Variants in ADAMTS17 observed in about 807,000 individuals in gnomAD.
ADAMTS17 encodes the protein ADAM metallopeptidase with thrombospondin type 1 motif 17.
A neutral mutation model predicts 141.5 loss-of-function variants in ADAMTS17; 113 were observed. That is an observed-to-expected ratio of 0.80 (90% confidence interval 0.69 to 0.93). ADAMTS17 has a LOEUF of 0.93. ADAMTS17 is among the 40% of genes least tolerant of loss of function. The probability of loss-of-function intolerance (pLI) is 0.00; values close to 1 mark genes in which losing one functional copy is unlikely to be tolerated. For missense variants in ADAMTS17, 1,659 were observed against 1,517.9 expected, an observed-to-expected ratio of 1.09 and a Z score of -1.54; for synonymous variants, 768 against 630.6, an observed-to-expected ratio of 1.22 and a Z score of -3.27.
At chr15:100,011,287 A>AAAG (rs2061164443) in intron 18 of ADAMTS17, among the ~76,000 whole-genome samples, 1 of 113,108 alleles carries the variant, frequency 8.8e-6, no homozygotes, top group African/African-American at 3.4e-5. Flanking sequence ...GGAGGGAAGT[A>AAAG]AAGGAGGAGG....
chr15:100,219,305 A>G lies in ADAMTS17; in HGVS notation c.1076-19882T>C, dbSNP rs536746713. On this transcript the variant is annotated intron_variant, in intron 7 of 21. Coordinates refer to ENST00000268070, the MANE Select transcript of ADAMTS17 (RefSeq NM_139057.4). ...GCTGTGTAATTCTATAAATATACTAAAAACCACTTTAGTACATAGCTTAGG... is the reference window on the plus strand; with the variant it reads ...GCTGTGTAATTCTATAAATATACTAGAAACCACTTTAGTACATAGCTTAGG... Among the ~76,000 whole-genome samples the G allele has an allele frequency of 3.9e-5, 6 of 152,294 alleles. No individual in the cohort carries two copies. The East Asian group carries it at 1.2e-3, about 29-fold the overall frequency.
At chr15:100,114,926 T>A (rs2037019253) in intron 13 of ADAMTS17, among the ~76,000 whole-genome samples, 1 of 152,188 alleles carries the variant, frequency 6.6e-6, no homozygotes, top group Admixed American at 6.5e-5. Flanking sequence ...GACATTTCAG[T>A]GGGATTTCTG....
intron 15 of ADAMTS17, among the ~76,000 whole-genome samples, chr15:100,089,636 G>T (rs1230935350): frequency 6.6e-6 from 1 of 151,860 alleles, no homozygotes; most frequent in Admixed American, 6.6e-5. Context: ...TATACACCAT[G>T]GAATACTATG....
At chr15:100,060,217 C>A (rs916928608) in intron 15 of ADAMTS17, among the ~76,000 whole-genome samples, 2 of 152,220 alleles carry the variant, frequency 1.3e-5, no homozygotes, top group African/African-American at 4.8e-5. Flanking sequence ...TAAATCACTA[C>A]CCAAAACATA....
chr15:100,000,476 T>C (rs2060897376), intron 18 of ADAMTS17, among the ~76,000 whole-genome samples: 1 of 152,176 alleles, frequency 6.6e-6, no homozygotes, highest in Non-Finnish European at 1.5e-5. Context: ...ATGTGATGGA[T>C]AGGGACAATA....
At chr15:100,140,022 G>T (rs1265415075) in intron 10 of ADAMTS17, among the ~76,000 whole-genome samples, 1 of 152,106 alleles carries the variant, frequency 6.6e-6, no homozygotes, top group African/African-American at 2.4e-5. Flanking sequence ...TTGAGATCGA[G>T]CCTCACTCTG....
At chr15:99,975,874 A>G (rs550849960) in intron 21 of ADAMTS17, among the ~76,000 whole-genome samples, 171 bp downstream of exon 21, 18 of 83,046 alleles carry the variant, frequency 2.2e-4, no homozygotes, top group Admixed American at 4.2e-4. Context: ...ATAACAAGGA[A>G]TGGAATCCAT....
intron 8 of ADAMTS17, among the ~76,000 whole-genome samples, chr15:100,181,014 G>A (rs1287758719): frequency 3.3e-5 from 5 of 152,334 alleles, no homozygotes; most frequent in Admixed American, 6.5e-5. Context: ...CAGCTAAGCT[G>A]ACACTCAAAC....
rs575353972 is a variant in ADAMTS17 at position 100,195,262 on chromosome 15, C to T, written c.1181+4056G>A. Among the ~76,000 whole-genome samples, 6 of 152,308 alleles carry T rather than the reference C, an allele frequency of 3.9e-5. No homozygotes were observed. In the South Asian group the frequency reaches 1.0e-3, roughly 26 times the overall value. On this transcript the variant is annotated intron_variant, in intron 8 of 21. Coordinates refer to ENST00000268070, the MANE Select transcript of ADAMTS17 (RefSeq NM_139057.4). The stretch of plus-strand genomic sequence containing the variant: ...CAGCACCTGCACCAGGACTTGCCAT[C>T]CCCCAGCTCGTGTCCGCAGCAGGGC...
chr15:100,089,088 C>T (rs1488115025), intron 15 of ADAMTS17, among the ~76,000 whole-genome samples: 2 of 152,038 alleles, frequency 1.3e-5, no homozygotes, highest in East Asian at 1.9e-4. Flanking sequence ...GCAATCTACT[C>T]ATCTGACAAA....
chr15:100,160,055 G>C (rs367568094), intron 8 of ADAMTS17, among the ~76,000 whole-genome samples: 2 of 88,920 alleles, frequency 2.2e-5, no homozygotes, highest in African/African-American at 6.4e-5. Context: ...TCCTGGAATG[G>C]CCCCCCAGTA....
intron 20 of ADAMTS17, among the ~76,000 whole-genome samples, chr15:99,983,219 A>AC (rs1265744419): frequency 6.6e-6 from 1 of 152,108 alleles, no homozygotes; most frequent in African/African-American, 2.4e-5. Context: ...GACCGGGCTT[A>AC]CGTACGAGCT....
chr15:100,182,264 G>A (rs908671855), intron 8 of ADAMTS17, among the ~76,000 whole-genome samples: 15 of 152,174 alleles, frequency 9.9e-5, no homozygotes, highest in Admixed American at 2.0e-4. Flanking sequence ...AGAGAAGAGC[G>A]AAGGCGGACG....
intron 3 of ADAMTS17, among the ~76,000 whole-genome samples, chr15:100,290,004 G>A: frequency 6.6e-6 from 1 of 152,126 alleles, no homozygotes; most frequent in South Asian, 2.1e-4. Flanking sequence ...AGTACTGGAA[G>A]TCCTAGCCAG....
chr15:100,062,404 G>A (rs907637353), intron 15 of ADAMTS17, among the ~76,000 whole-genome samples: 3 of 152,216 alleles, frequency 2.0e-5, no homozygotes, highest in Non-Finnish European at 4.4e-5. Context: ...AAATGGGCAT[G>A]CCTGCCTTCC....
At position 100,320,074 on chromosome 15, in the gene ADAMTS17, A is replaced by C. The variant is rs151269299; in HGVS notation, c.616+10815T>G. ...ATTGAATATAATTGCGAAAATTAAA[A>C]ACTCAGTAGAAGATTAAATGGAGAT... On this transcript the variant is annotated intron_variant, in intron 3 of 21. Coordinates refer to ENST00000268070, the MANE Select transcript of ADAMTS17 (RefSeq NM_139057.4). 3.3e-5 allele frequency among the ~76,000 whole-genome samples: 5 copies of C among 152,354 alleles called. No homozygotes were observed. The East Asian group carries it at 9.6e-4, about 29-fold the overall frequency.
rs770072474 is a variant in ADAMTS17, at chr15:100,155,290, T to C, written c.1212A>G (p.Ser404=). Reference sequence around the variant, plus strand: ...TGATGTGGGACCTGCCAGCGCAAGATGAGTGGTCATCGTCGTGGTTCATGC... The same window carrying C: ...TGATGTGGGACCTGCCAGCGCAAGACGAGTGGTCATCGTCGTGGTTCATGC... The part of the protein sequence containing the change: ...NLGMNHDDDH[S]SCAGRSHIMS... The change falls in exon 9 of 22, where the codon TCA becomes TCG. Residue 404 remains serine, a synonymous_variant. Coordinates refer to ENST00000268070, the MANE Select transcript of ADAMTS17 (RefSeq NM_139057.4). 1.9e-6 allele frequency: 3 copies of C among 1,614,120 alleles called. No homozygotes were observed. Among genetic ancestry groups the C allele is most frequent in the East Asian group, 2.2e-5 (1 of 44,876 alleles).
chr15:100,237,023 T>G (rs2141876830), intron 7 of ADAMTS17, among the ~76,000 whole-genome samples: 1 of 152,192 alleles, frequency 6.6e-6, no homozygotes, highest in South Asian at 2.1e-4. Context: ...GCTCCCACGA[T>G]CCTCAGACTC....
intron 7 of ADAMTS17, among the ~76,000 whole-genome samples, chr15:100,213,928 G>C: frequency 1.3e-5 from 2 of 152,214 alleles, no homozygotes; most frequent in East Asian, 3.8e-4. Flanking sequence ...TTTTTGTTTT[G>C]TTCCATGGTA....
Sources: allele counts gnomAD v4.1 joint callset (sites outside exome capture counted in the v4.1 genomes callset), GRCh38; gene constraint gnomAD v4.1.1; transcripts MANE v1.5; gene names NCBI Gene and HGNC (gene_info 2026-07-23, HGNC 2026-07-21).